LGSN: variants seen among roughly 807,000 people sequenced by gnomAD.
LGSN encodes lengsin.
Under a neutral mutation model 19.5 loss-of-function variants are expected in LGSN, and 21 were observed. The observed-to-expected ratio is 1.07, with a 90% CI of 0.76 to 1.55. The LOEUF is 1.55. LGSN is among the 40% of genes most tolerant of loss of function. LGSN has a pLI of 0.00. For missense variants in LGSN, 673 were observed against 608.5 expected (o/e 1.11, Z -1.12); for synonymous variants, 257 against 215.6 (o/e 1.19, Z -1.68).
At chr6:63,412,480 AG>A in the LGSN span, among the ~76,000 whole-genome samples, 1 of 135,706 alleles carries the variant, frequency 7.4e-6, no homozygotes, top group South Asian at 2.3e-4. Flanking sequence ...GAGAGAAGAA[AG>A]AGAAGAAAGA....
At chr6:63,344,477 A>G in the LGSN span, among the ~76,000 whole-genome samples, 1 of 152,224 alleles carries the variant, frequency 6.6e-6, no homozygotes, top group Non-Finnish European at 1.5e-5. Context: ...AAGTAAACTA[A>G]AAAAGAAGAA....
chr6:63,323,213 C>G (rs1481752401), upstream of LGSN, among the ~76,000 whole-genome samples: 1 of 152,086 alleles, frequency 6.6e-6, no homozygotes, highest in East Asian at 1.9e-4. Context: ...ACAGCCCAAG[C>G]TATTTTTAGA....
At chr6:63,391,571 T>C in the LGSN span, among the ~76,000 whole-genome samples, 6 of 152,204 alleles carry the variant, frequency 3.9e-5, no homozygotes, top group East Asian at 9.6e-4. Flanking sequence ...TGTTAGCTTT[T>C]ACTGTCTTGT....
intron 1 of LGSN, among the ~76,000 whole-genome samples, chr6:63,296,346 G>C (rs909112066): frequency 7.9e-5 from 12 of 151,450 alleles, no homozygotes; most frequent in Non-Finnish European, 1.6e-4. Flanking sequence ...TTCAATACTT[G>C]CATAAATTTT....
At chr6:63,526,824 TA>T in the LGSN span, among the ~76,000 whole-genome samples, 4 of 143,734 alleles carry the variant, frequency 2.8e-5, 1 homozygote, top group African/African-American at 1.0e-4. Flanking sequence ...TATATATATA[TA>T]TATATATATA....
chr6:63,412,767 GA>G, the LGSN span, among the ~76,000 whole-genome samples: 4 of 16,842 alleles, frequency 2.4e-4, no homozygotes, highest in Admixed American at 1.8e-3. Context: ...AAGAAAGAAA[GA>G]AAGGAAGGAA....
At chr6:63,379,845 CT>C in the LGSN span, among the ~76,000 whole-genome samples, 1 of 150,530 alleles carries the variant, frequency 6.6e-6, no homozygotes, top group East Asian at 1.9e-4. Context: ...TAATTTTTTT[CT>C]TTTTTTTTGC....
chr6:63,320,438 T>C (rs1347388558), upstream of LGSN, among the ~76,000 whole-genome samples: 1 of 152,204 alleles, frequency 6.6e-6, no homozygotes, highest in Non-Finnish European at 1.5e-5. Flanking sequence ...ATTTTTATTT[T>C]CTTTTCTAGG....
At chr6:63,478,455 C>G in the LGSN span, among the ~76,000 whole-genome samples, 2 of 150,540 alleles carry the variant, frequency 1.3e-5, no homozygotes, top group Non-Finnish European at 3.0e-5. Flanking sequence ...TATTGCTTTC[C>G]CTAATACTCC....
the LGSN span, among the ~76,000 whole-genome samples, chr6:63,403,946 TTCTC>T: frequency 4.6e-4 from 68 of 148,216 alleles, no homozygotes; most frequent in South Asian, 1.7e-3. Context: ...GCCTCTCTCT[TTCTC>T]TCTCTCTCTC....
the LGSN span, among the ~76,000 whole-genome samples, chr6:63,432,624 A>G: frequency 1.3e-5 from 2 of 151,904 alleles, no homozygotes; most frequent in Non-Finnish European, 2.9e-5. Context: ...CCCGGGAGGC[A>G]GAGCTTGCAG....
At chr6:63,450,127 A>C in the LGSN span, among the ~76,000 whole-genome samples, 31 of 150,504 alleles carry the variant, frequency 2.1e-4, no homozygotes, top group African/African-American at 7.6e-4. Flanking sequence ...CGGGTGGATC[A>C]CATGAGGTCA....
At chr6:63,467,987 C>T in the LGSN span, among the ~76,000 whole-genome samples, 246 of 152,036 alleles carry the variant, frequency 1.6e-3, no homozygotes, top group South Asian at 2.3e-3. Flanking sequence ...GCACCGGGCC[C>T]GGTCTTAATT....
At chr6:63,518,350 CT>C in the LGSN span, among the ~76,000 whole-genome samples, 1 of 152,042 alleles carries the variant, frequency 6.6e-6, no homozygotes, top group Non-Finnish European at 1.5e-5. Context: ...AAACTAACAG[CT>C]TAGGTATCTT....
the LGSN span, among the ~76,000 whole-genome samples, chr6:63,372,459 C>T: frequency 6.6e-6 from 1 of 152,090 alleles, no homozygotes; most frequent in Non-Finnish European, 1.5e-5. Context: ...CTAAGAGCAG[C>T]TGTGTCCCTA....
chr6:63,302,202 T>A (rs187242843), intron 1 of LGSN, among the ~76,000 whole-genome samples: 1 of 152,212 alleles, frequency 6.6e-6, no homozygotes, highest in African/African-American at 2.4e-5. Flanking sequence ...CTCCTAATAT[T>A]CTGATATGTC....
At chr6:63,341,826 A>C in the LGSN span, among the ~76,000 whole-genome samples, 2 of 152,128 alleles carry the variant, frequency 1.3e-5, no homozygotes, top group African/African-American at 2.4e-5. Context: ...TTATACACTG[A>C]TTATCACAAC....
At chr6:63,363,594 G>T in the LGSN span, among the ~76,000 whole-genome samples, 1 of 152,152 alleles carries the variant, frequency 6.6e-6, no homozygotes, top group South Asian at 2.1e-4. Flanking sequence ...GGAAGAAAGG[G>T]TATCAGTGAT....
the LGSN span, among the ~76,000 whole-genome samples, chr6:63,325,103 CA>C: frequency 0.035 from 2,274 of 65,270 alleles, 15 homozygotes; most frequent in South Asian, 0.1. Context: ...AACTCTGTCT[CA>C]AAAAAAAAAA....
Sources: gnomAD v4.1 joint callset for allele counts (sites outside exome capture counted in the v4.1 genomes callset) on GRCh38, gnomAD v4.1.1 for gene constraint, MANE v1.5 for transcripts, NCBI Gene and HGNC (gene_info 2026-07-23, HGNC 2026-07-21) for gene names.